GRID2IP: variants seen among roughly 807,000 people sequenced by gnomAD.
The protein encoded by GRID2IP is Grid2 interacting protein.
In GRID2IP, 78 loss-of-function variants were observed where a neutral mutation model predicts 114.3. The observed-to-expected ratio is 0.68, with a 90% CI of 0.57 to 0.82. GRID2IP has a LOEUF of 0.82. Among genes scored for constraint, GRID2IP ranks in the 40% least tolerant of loss-of-function variants. The pLI is 0.00. For missense variants in GRID2IP, 1,727 were observed against 1,678.5 expected (o/e 1.03, Z -0.51); for synonymous variants, 809 against 724.0 (o/e 1.12, Z -1.89).
At position 6,521,394 on chromosome 7, in the gene GRID2IP, G is replaced by C; in HGVS notation, c.1084+35C>G. The C allele has an allele frequency of 1.4e-6, 2 of 1,430,390 alleles. No homozygotes were observed. The highest frequency in any genetic ancestry group is 1.9e-6 in the Non-Finnish European group (2 of 1,058,784). The allele number at this position is 1,430,390 out of a possible 1,614,324, so 88.6% of individuals were successfully genotyped here. A position where few individuals can be genotyped will look rare whatever the true frequency, so the allele number is the denominator to read the frequency against. On this transcript the variant is annotated intron_variant, in intron 6 of 21. Transcript: ENST00000457091. This position sits in a 1 kb window ranked among gnomAD's most constrained non-coding sequence, Gnocchi z 4.1. ...ATAGCAGCCTGGGCAGGGTCTCTGGGGGCCAAGGAAGCCAAGTGTCCATGG... is the reference window on the plus strand; with the variant it reads ...ATAGCAGCCTGGGCAGGGTCTCTGGCGGCCAAGGAAGCCAAGTGTCCATGG...
Position 6,509,308 on chromosome 7 carries a change from TGG to T in GRID2IP, c.1775_1776del (p.Pro592GlnfsTer34), listed in dbSNP as rs962960678. On this transcript the variant is annotated frameshift_variant, in exon 12 of 22. Coordinates refer to ENST00000457091, the MANE Select transcript of GRID2IP (RefSeq NM_001145118.2). LOFTEE classifies it high-confidence loss of function. This position sits in a 1 kb window ranked among gnomAD's most constrained non-coding sequence, Gnocchi z 4.9. The stretch of plus-strand genomic sequence containing the variant: ...GGCCATGAGACGCCGGACAGGGTCC[TGG>T]GCCCTGGAGGAGGGATGGAGTATGA... ...PGPSPAVTTG[P>X]RTLSGVSWPS... The T allele has an allele frequency of 6.6e-7, 1 of 1,505,348 alleles. No individual in the cohort carries two copies. The highest frequency in any genetic ancestry group is 8.9e-7 in the Non-Finnish European group (1 of 1,126,016). 93.2% of individuals were successfully genotyped at this position (1,505,348 alleles called of 1,614,324 possible). A position where few individuals can be genotyped will look rare whatever the true frequency, so the allele number is the denominator to read the frequency against.
chr7:6,513,272 T>C (rs1202981187), intron 8 of GRID2IP, among the ~76,000 whole-genome samples: 2 of 151,650 alleles, frequency 1.3e-5, no homozygotes, highest in African/African-American at 4.8e-5. Context: ...CTGGAGGCAG[T>C]AGCTTGATCA....
intron 2 of GRID2IP, among the ~76,000 whole-genome samples, chr7:6,535,232 G>T (rs1369875907): frequency 6.6e-6 from 1 of 152,232 alleles, no homozygotes; most frequent in South Asian, 2.1e-4. Flanking sequence ...GTTTCACCAT[G>T]TTGGCCAGGC....
chr7:6,502,985 C>T (rs1287088236), intron 17 of GRID2IP, 23 bp downstream of exon 17: 1 of 1,551,252 alleles, frequency 6.4e-7, no homozygotes, highest in South Asian at 1.2e-5. Context: ...AGATAGGGTG[C>T]CAGGAAGGGT....
chr7:6,510,517 A>T (rs1017409519), intron 10 of GRID2IP, 92 bp downstream of exon 10: 3 of 1,302,562 alleles, frequency 2.3e-6, no homozygotes, highest in Non-Finnish European at 3.1e-6. Context: ...CAGCACAGGG[A>T]CGCCTTGGCC....
Position 6,520,595 on chromosome 7 carries a change from C to T in GRID2IP, c.1251G>A (p.Glu417=). Residue 417 remains glutamate, a synonymous_variant, in exon 7 of 22, where the codon GAG becomes GAA. Coordinates refer to ENST00000457091, the MANE Select transcript of GRID2IP (RefSeq NM_001145118.2). The surrounding 1 kb of genome is among the most constrained non-coding windows in gnomAD (Gnocchi z 4.6). ...CCGGCCACCTGTGCTGGAAGAAGCT[C>T]TCGAGGGCCCGGCAGACCCCATAGC... is the stretch of plus-strand genomic sequence containing the variant. ...PERYGVCRAL[E]SFFQHRNIDT... The T allele has an allele frequency of 6.4e-7, 1 of 1,551,322 alleles. No homozygotes were observed. The highest frequency in any genetic ancestry group is 1.2e-5 in the South Asian group (1 of 84,044).
At position 6,541,053 on chromosome 7, in the gene GRID2IP, A is replaced by T. The variant is rs554701586; in HGVS notation, c.430-1181T>A. ...TACTTAAAGAGAACTGGCTAATTAAATTTTTTTTTTCTATAGAGATGGAGT... is the reference window on the plus strand; with the variant it reads ...TACTTAAAGAGAACTGGCTAATTAATTTTTTTTTTTCTATAGAGATGGAGT... On this transcript the variant is annotated intron_variant, in intron 1 of 21. Transcript: ENST00000457091. 2.8e-4 allele frequency among the ~76,000 whole-genome samples: 41 copies of T among 148,688 alleles called. 1 individual carries two copies. Among genetic ancestry groups the T allele is most frequent in the South Asian group, 4.3e-4 (2 of 4,704 alleles).
rs201389464 is a variant in GRID2IP at position 6,538,895 on chromosome 7, AAGAG to A, written c.584+819_584+822del. ...TCTGAAAAGAAAGGAAGATGAAAGA[AAGAG>A]AGAAAGAGAGAGAGAGAGAAGAAAG... On this transcript the variant is annotated intron_variant, in intron 2 of 21. Coordinates refer to ENST00000457091, the MANE Select transcript of GRID2IP (RefSeq NM_001145118.2). 5.1e-4 allele frequency among the ~76,000 whole-genome samples: 78 copies of A among 152,104 alleles called. No homozygotes were observed. The East Asian group carries it at 0.013, about 26-fold the overall frequency.
In GRID2IP at chr7:6,526,402, C is replaced by A; in HGVS notation, c.834-93G>T. ...TCCCGTGTCCCTCTCCCCTTAACCTCTCCGGCCCCCTATGCACCCCAGATG... is the reference window on the plus strand; with the variant it reads ...TCCCGTGTCCCTCTCCCCTTAACCTATCCGGCCCCCTATGCACCCCAGATG... On this transcript the variant is annotated intron_variant, in intron 3 of 21. Transcript: ENST00000457091. This position sits in a 1 kb window ranked among gnomAD's most constrained non-coding sequence, Gnocchi z 7.6. 6.6e-7 allele frequency: 1 copy of A among 1,511,910 alleles called. No homozygotes were observed. Among genetic ancestry groups the A allele is most frequent in the East Asian group, 2.5e-5 (1 of 40,720 alleles). The allele number at this position is 1,511,910 out of a possible 1,614,324, so 93.7% of individuals were successfully genotyped here. A position where few individuals can be genotyped will look rare whatever the true frequency, so the allele number is the denominator to read the frequency against.
intron 20 of GRID2IP, among the ~76,000 whole-genome samples, chr7:6,500,190 A>G (rs1288133738): frequency 2.6e-5 from 4 of 151,268 alleles, no homozygotes; most frequent in Non-Finnish European, 5.9e-5. Context: ...TGGGCCGGGC[A>G]CAGTGGCTCA....
Position 6,509,294 on chromosome 7 carries a change from G to A in GRID2IP, c.1791C>T (p.Gly597=), listed in dbSNP as rs771099700. 2.0e-5 allele frequency: 31 copies of A among 1,522,596 alleles called. No homozygotes were observed. In the South Asian group the frequency reaches 2.2e-4, roughly 11 times the overall value. The allele number at this position is 1,522,596 out of a possible 1,614,324, so 94.3% of individuals were successfully genotyped here. A position where few individuals can be genotyped will look rare whatever the true frequency, so the allele number is the denominator to read the frequency against. ...AGAGTCGCTCGCTGGGCCATGAGACGCCGGACAGGGTCCTGGGCCCTGGAG... is the reference window on the plus strand; with the variant it reads ...AGAGTCGCTCGCTGGGCCATGAGACACCGGACAGGGTCCTGGGCCCTGGAG... The part of the protein sequence containing the change: ...AVTTGPRTLS[G]VSWPSERLLP... The change falls in exon 12 of 22, where the codon GGC becomes GGT. Residue 597 remains glycine (G), a synonymous_variant. Transcript: ENST00000457091. This position sits in a 1 kb window ranked among gnomAD's most constrained non-coding sequence, Gnocchi z 4.9.
intron 2 of GRID2IP, among the ~76,000 whole-genome samples, chr7:6,535,421 A>G (rs1779708463): frequency 6.6e-6 from 1 of 152,090 alleles, no homozygotes; most frequent in African/African-American, 2.4e-5. Flanking sequence ...CCTTCTCCCC[A>G]AGCCTTCTAT....
chr7:6,497,599 C>A lies in GRID2IP; in HGVS notation c.*175G>T, dbSNP rs565792707. On this transcript the variant is annotated 3_prime_UTR_variant, in exon 22 of 22. Transcript: ENST00000457091. ...CTGGCTCTGGGCCTGGGGGTAGGAA[C>A]AAGGGCTGGCAGAGGAGGGCCCGAC... is the stretch of plus-strand genomic sequence containing the variant. 5.4e-6 allele frequency: 3 copies of A among 552,236 alleles called. No individual in the cohort carries two copies. The highest frequency in any genetic ancestry group is 6.7e-5 in the Admixed American group (2 of 29,754). The allele number at this position is 552,236 out of a possible 1,614,324, so 34.2% of individuals were successfully genotyped here.
chr7:6,501,619 A>G (rs1428270180), intron 20 of GRID2IP, among the ~76,000 whole-genome samples, 162 bp downstream of exon 20: 2 of 152,090 alleles, frequency 1.3e-5, no homozygotes, highest in Non-Finnish European at 2.9e-5. Context: ...TCAATCAACA[A>G]CCCAGGATAG....
intron 1 of GRID2IP, among the ~76,000 whole-genome samples, chr7:6,548,489 C>T (rs1213076469): frequency 1.3e-5 from 2 of 152,028 alleles, no homozygotes; most frequent in African/African-American, 2.4e-5. Flanking sequence ...ATCTCAGATA[C>T]CCCATAAATA....
chr7:6,498,495 G>C (rs551859218), intron 20 of GRID2IP, among the ~76,000 whole-genome samples: 1 of 151,150 alleles, frequency 6.6e-6, no homozygotes, highest in African/African-American at 2.4e-5. Flanking sequence ...CTGGGTCTCT[G>C]ATCAGAGGCT....
chr7:6,508,271 G>A lies in GRID2IP; in HGVS notation c.2258C>T (p.Pro753Leu), dbSNP rs112305062. 0.13 allele frequency: 192,645 copies of A among 1,535,056 alleles called. 13,196 individuals carry two copies. The highest frequency in any genetic ancestry group is 0.23 in the Admixed American group (11,630 of 49,938). Residue 753 changes from proline to leucine, a missense_variant, in exon 13 of 22, where the codon CCG becomes CTG. Pro to Leu is a moderately conservative substitution (Grantham distance 98). Coordinates refer to ENST00000457091, the MANE Select transcript of GRID2IP (RefSeq NM_001145118.2). This position sits in a 1 kb window ranked among gnomAD's most constrained non-coding sequence, Gnocchi z 5.6. The part of the protein sequence containing the change: ...SSISDHIPPP[P>L]LSPPPPPPLP... ...GGGTGGCGGTGGTGGGGGGCTGAGC[G>A]GGGGTGGGGGGATGTGGTCAGAGAT... is the stretch of plus-strand genomic sequence containing the variant.
chr7:6,499,887 G>T (rs561326524), intron 20 of GRID2IP, among the ~76,000 whole-genome samples: 1 of 151,882 alleles, frequency 6.6e-6, no homozygotes, highest in East Asian at 2.0e-4. Flanking sequence ...GCACCACTAT[G>T]CCAGACTCAT....
intron 20 of GRID2IP, among the ~76,000 whole-genome samples, chr7:6,500,628 C>A (rs1165305445): frequency 6.6e-6 from 1 of 152,248 alleles, no homozygotes; most frequent in Non-Finnish European, 1.5e-5. Context: ...CTCACCCGCA[C>A]CAGGCCCCAT....
Sources: allele counts gnomAD v4.1 joint callset (sites outside exome capture counted in the v4.1 genomes callset), GRCh38; gene constraint gnomAD v4.1.1; non-coding constraint Gnocchi (gnomAD v3.1); transcripts MANE v1.5; gene names NCBI Gene and HGNC (gene_info 2026-07-23, HGNC 2026-07-21).